PRKAB1: variants seen among roughly 807,000 people sequenced by gnomAD.
PRKAB1 encodes protein kinase AMP-activated non-catalytic subunit beta 1.
Under a neutral mutation model 32.0 loss-of-function variants are expected in PRKAB1, and 18 were observed. The observed-to-expected ratio is 0.56, with a 90% CI of 0.39 to 0.83. The LOEUF (loss-of-function observed/expected upper bound fraction) is 0.83, where lower values mean the gene tolerates loss of function less well. PRKAB1 is among the 40% of genes least tolerant of loss of function. The pLI is 0.00. For missense variants in PRKAB1, 263 were observed against 352.6 expected (o/e 0.75, Z 2.03); for synonymous variants, 141 against 141.4 (o/e 1.00, Z 0.02).
chr12:119,669,476 C>T (rs867082611), intron 1 of PRKAB1: 2 of 151,304 alleles, frequency 1.3e-5, no homozygotes, highest in African/African-American at 2.4e-5. Flanking sequence ...ACCGTGTTAG[C>T]CAGGATGGTC....
intron 1 of PRKAB1, 51 bp downstream of exon 1, chr12:119,668,454 G>A (rs1955357727): frequency 1.3e-6 from 2 of 1,592,100 alleles, no homozygotes; most frequent in Admixed American, 1.8e-5. Flanking sequence ...GTTGAGGAGA[G>A]GAACCCTCCA....
chr12:119,676,561 C>G lies in PRKAB1; in HGVS notation c.557C>G (p.Pro186Arg), dbSNP rs1740469042. 6.2e-7 allele frequency: 1 copy of G among 1,613,450 alleles called. No homozygotes were observed. Among genetic ancestry groups the G allele is most frequent in the African/African-American group, 1.3e-5 (1 of 74,892 alleles). Residue 186 changes from proline (P) to arginine (R), a missense_variant, in exon 5 of 7, where the codon CCC becomes CGC. Pro to Arg is a moderately radical substitution (Grantham distance 103). Transcript: ENST00000229328. ...GAGCTGTCCAGTTCTCCCCCAGGAC[C>G]CTACCATCAGGAGCCCTACGTCTGC... is the stretch of plus-strand genomic sequence containing the variant. ...VSELSSSPPG[P>R]YHQEPYVCKP... is the part of the protein sequence containing the mutation.
At chr12:119,669,259 C>T (rs1235252579) in intron 1 of PRKAB1, among the ~76,000 whole-genome samples, 1 of 149,112 alleles carries the variant, frequency 6.7e-6, no homozygotes, top group African/African-American at 2.5e-5. Context: ...CGGTGCTGGC[C>T]GGTTCAGCCT....
chr12:119,674,492 TG>T lies in PRKAB1; in HGVS notation c.532+43del. ...TTATTTTATACCACATGCGTGCAGGTGGGGGCTGTACAGTCTAGACATACTC... is the reference window on the plus strand; with the variant it reads ...TTATTTTATACCACATGCGTGCAGGTGGGGCTGTACAGTCTAGACATACTC... On this transcript the variant is annotated intron_variant, in intron 4 of 6. Coordinates refer to ENST00000229328, the MANE Select transcript of PRKAB1 (RefSeq NM_006253.5). The surrounding 1 kb of genome is among the most constrained non-coding windows in gnomAD (Gnocchi z 4.3). 4.1e-6 allele frequency: 6 copies of T among 1,474,108 alleles called. No homozygotes were observed. The highest frequency in any genetic ancestry group is 5.7e-6 in the Non-Finnish European group (6 of 1,055,262). The allele number at this position is 1,474,108 out of a possible 1,614,324, so 91.3% of individuals were successfully genotyped here. A position where few individuals can be genotyped will look rare whatever the true frequency, so the allele number is the denominator to read the frequency against.
intron 2 of PRKAB1, among the ~76,000 whole-genome samples, chr12:119,672,828 C>T (rs541174212): frequency 3.9e-5 from 6 of 152,336 alleles, no homozygotes; most frequent in African/African-American, 1.2e-4. Context: ...AGTCACCTAA[C>T]GTTAGTTAAC....
chr12:119,680,604 GC>G lies in PRKAB1; in HGVS notation c.*283del. On this transcript the variant is annotated 3_prime_UTR_variant, in exon 7 of 7. Transcript: ENST00000229328. ...GGGTGGCAGAGGATCTGCAGCCCTG[GC>G]CCCGCGGTGCATGAGGCTGGGTGCA... 2.1e-6 allele frequency: 1 copy of G among 473,406 alleles called. No homozygotes were observed. Among genetic ancestry groups the G allele is most frequent in the Non-Finnish European group, 3.8e-6 (1 of 262,250 alleles). 29.3% of individuals were successfully genotyped at this position (473,406 alleles called of 1,614,324 possible).
chr12:119,668,568 G>A (rs1955358660), intron 1 of PRKAB1, among the ~76,000 whole-genome samples, 165 bp downstream of exon 1: 1 of 152,230 alleles, frequency 6.6e-6, no homozygotes, highest in Non-Finnish European at 1.5e-5. Flanking sequence ...AGTTCTCTTA[G>A]CGGTCCAAGA....
At chr12:119,672,187 C>T (rs979276372) in intron 1 of PRKAB1, 114 bp from the exon 2 acceptor site, 12 of 1,149,350 alleles carry the variant, frequency 1.0e-5, no homozygotes, top group Admixed American at 5.5e-5. Flanking sequence ...AGTAAGTTTC[C>T]GATCCTAACC....
Position 119,681,562 on chromosome 12 carries a change from A to G in PRKAB1, c.*1237A>G, listed in dbSNP as rs992708909. 2.0e-5 allele frequency: 3 copies of G among 152,198 alleles called. No homozygotes were observed. Among genetic ancestry groups the G allele is most frequent in the Non-Finnish European group, 2.9e-5 (2 of 68,034 alleles). 9.4% of individuals were successfully genotyped at this position (152,198 alleles called of 1,614,324 possible). On this transcript the variant is annotated 3_prime_UTR_variant, in exon 7 of 7. Transcript: ENST00000229328. ...GGGTACCCTTTTTTGTGACTTTTCA[A>G]AACAGTGAATTACTGTCACCTTGAT...
chr12:119,669,280 T>A (rs1955366909), intron 1 of PRKAB1: 1 of 142,404 alleles, frequency 7.0e-6, no homozygotes, highest in South Asian at 2.3e-4. Flanking sequence ...ACTTTTTTTT[T>A]TTTTTGAGAC....
At position 119,674,347 on chromosome 12, in the gene PRKAB1, T is replaced by C; in HGVS notation, c.425T>C (p.Val142Ala). 1 of 1,612,696 alleles carries C rather than the reference T, an allele frequency of 6.2e-7. No individual in the cohort carries two copies. The highest frequency in any genetic ancestry group is 1.1e-5 in the South Asian group (1 of 91,050). The change falls in exon 4 of 7, where the codon GTA becomes GCA. Residue 142 changes from valine (V) to alanine (A), a missense_variant. Transcript: ENST00000229328. This position sits in a 1 kb window ranked among gnomAD's most constrained non-coding sequence, Gnocchi z 4.3. Reference protein sequence around the residue: ...QWTHDPSEPIVTSQLGTVNNI... With the variant: ...QWTHDPSEPIATSQLGTVNNI... ...CTATCTGTCTCTTCCCAGCCCATAG[T>C]AACCAGCCAGCTTGGCACAGTTAAC...
rs1282693979 is a variant in PRKAB1, at chr12:119,674,207, T to A, written c.418-133T>A. Reference sequence around the variant, plus strand: ...GTAGCAGCACTACCTGTCAGACAGTTGGCATACTTGACCAAGATGAGCAGG... The same window carrying A: ...GTAGCAGCACTACCTGTCAGACAGTAGGCATACTTGACCAAGATGAGCAGG... On this transcript the variant is annotated intron_variant, in intron 3 of 6. Coordinates refer to ENST00000229328, the MANE Select transcript of PRKAB1 (RefSeq NM_006253.5). The surrounding 1 kb of genome is among the most constrained non-coding windows in gnomAD (Gnocchi z 4.3). The A allele has an allele frequency of 2.9e-5, 29 of 1,005,380 alleles. No individual in the cohort carries two copies. The highest frequency in any genetic ancestry group is 3.5e-5 in the Non-Finnish European group (23 of 666,066). The allele number at this position is 1,005,380 out of a possible 1,614,324, so 62.3% of individuals were successfully genotyped here.
In PRKAB1 at chr12:119,679,075, T is replaced by C. The variant is rs1212763498; in HGVS notation, c.667-858T>C. ...ATTTAGCCATTCCACAATGTGTCCA[T>C]ATTTCAAAACAACATATTGTACATG... On this transcript the variant is annotated intron_variant, in intron 5 of 6. Transcript: ENST00000229328. This position sits in a 1 kb window ranked among gnomAD's most constrained non-coding sequence, Gnocchi z 4.1. 2.0e-5 allele frequency: 3 copies of C among 152,260 alleles called. No homozygotes were observed. Among genetic ancestry groups the C allele is most frequent in the Admixed American group, 6.5e-5 (1 of 15,282 alleles). The allele number at this position is 152,260 out of a possible 1,614,324, so 9.4% of individuals were successfully genotyped here.
intron 1 of PRKAB1, among the ~76,000 whole-genome samples, chr12:119,671,140 C>G (rs1356981030): frequency 6.6e-6 from 1 of 152,238 alleles, no homozygotes; most frequent in Non-Finnish European, 1.5e-5. Context: ...CTTTGTCTTG[C>G]TTTATTCCCC....
At chr12:119,675,739 C>T (rs574683105) in intron 4 of PRKAB1, among the ~76,000 whole-genome samples, 31 of 152,202 alleles carry the variant, frequency 2.0e-4, no homozygotes, top group Non-Finnish European at 3.4e-4. Flanking sequence ...GTCACATAAA[C>T]GGGGCTTGTC....
At chr12:119,676,805 C>G (rs1008162165) in intron 5 of PRKAB1, 135 bp downstream of exon 5, 61 of 1,229,772 alleles carry the variant, frequency 5.0e-5, no homozygotes, top group Non-Finnish European at 6.4e-5. Context: ...TGCCGTTCAC[C>G]TCTGCTGTGG....
chr12:119,676,765 AAGCTC>A, intron 5 of PRKAB1, 95 bp downstream of exon 5: 1 of 1,458,874 alleles, frequency 6.9e-7, no homozygotes, highest in Non-Finnish European at 9.3e-7. Context: ...GCTGGTGAGC[AAGCTC>A]AGTGTCACCC....
In PRKAB1 at chr12:119,675,396, C is replaced by T. The variant is rs138023409; in HGVS notation, c.532+942C>T. 4.9e-4 allele frequency among the ~76,000 whole-genome samples: 75 copies of T among 152,210 alleles called. 1 individual carries two copies. The highest frequency in any genetic ancestry group is 1.6e-3 in the African/African-American group (65 of 41,520). The stretch of plus-strand genomic sequence containing the variant: ...GTTTGTTGAGCAGGACTTGGAAATC[C>T]GAAATCTGTGCTTTTATCTGGGTAA... On this transcript the variant is annotated intron_variant, in intron 4 of 6. Coordinates refer to ENST00000229328, the MANE Select transcript of PRKAB1 (RefSeq NM_006253.5).
At position 119,681,144 on chromosome 12, in the gene PRKAB1, G is replaced by A. The variant is rs916977013; in HGVS notation, c.*819G>A. The A allele has an allele frequency of 1.3e-5, 2 of 152,350 alleles. No homozygotes were observed. Among genetic ancestry groups the A allele is most frequent in the African/African-American group, 2.4e-5 (1 of 41,434 alleles). The allele number at this position is 152,350 out of a possible 1,614,324, so 9.4% of individuals were successfully genotyped here. On this transcript the variant is annotated 3_prime_UTR_variant, in exon 7 of 7. Transcript: ENST00000229328. ...GCAGGTTGTCCAGCTTTTTATTCCAGTCATAATAGGTGACAGTGTTAACCG... is the reference window on the plus strand; with the variant it reads ...GCAGGTTGTCCAGCTTTTTATTCCAATCATAATAGGTGACAGTGTTAACCG...
Sources: gnomAD v4.1 joint callset for allele counts (sites outside exome capture counted in the v4.1 genomes callset) on GRCh38, gnomAD v4.1.1 for gene constraint, Gnocchi (gnomAD v3.1) non-coding constraint, MANE v1.5 for transcripts, NCBI Gene and HGNC (gene_info 2026-07-23, HGNC 2026-07-21) for gene names.